RIN3: variants seen among roughly 807,000 people sequenced by gnomAD.
The protein encoded by RIN3 is RAB5 interacting protein 3.
A neutral mutation model predicts 76.3 loss-of-function variants in RIN3; 54 were observed. The observed-to-expected ratio is 0.71, with a 90% confidence interval of 0.57 to 0.89. The LOEUF (loss-of-function observed/expected upper bound fraction) is 0.89. Ranked by LOEUF, RIN3 falls within the 40% of genes least tolerant of loss-of-function variation. The pLI, the probability that RIN3 is intolerant of heterozygous loss-of-function variation, is 0.00. For synonymous variants in RIN3, 576 were observed against 564.0 expected (o/e 1.02, Z -0.30); for missense variants, 1,256 against 1,322.1 (o/e 0.95, Z 0.78).
intron 2 of RIN3, among the ~76,000 whole-genome samples, chr14:92,557,951 A>C (rs1012458785): frequency 6.6e-6 from 1 of 152,230 alleles, no homozygotes; most frequent in Non-Finnish European, 1.5e-5. Context: ...GTGGATGGGA[A>C]TTACCAGACA....
chr14:92,535,034 C>T (rs4644795), intron 1 of RIN3, among the ~76,000 whole-genome samples: 8,095 of 152,242 alleles, frequency 0.053, 668 homozygotes, highest in African/African-American at 0.18. Flanking sequence ...CCTCATCCTC[C>T]CCAGGCCTTG....
chr14:92,523,805 T>C (rs1420882318), intron 1 of RIN3, among the ~76,000 whole-genome samples: 3 of 152,216 alleles, frequency 2.0e-5, no homozygotes, highest in Non-Finnish European at 4.4e-5. Flanking sequence ...CTCAGTTCTG[T>C]GCTTTAGGCT....
intron 4 of RIN3, among the ~76,000 whole-genome samples, chr14:92,635,832 A>T (rs991607608): frequency 6.6e-6 from 1 of 152,150 alleles, no homozygotes; most frequent in Non-Finnish European, 1.5e-5. Context: ...CAGCCTGGGC[A>T]ATAGAGGGCG....
intron 3 of RIN3, among the ~76,000 whole-genome samples, chr14:92,590,074 A>G (rs1395798177): frequency 6.6e-6 from 1 of 152,216 alleles, no homozygotes; most frequent in Non-Finnish European, 1.5e-5. Context: ...GTGGATGTTC[A>G]CTGTGGACAG....
chr14:92,646,880 A>G (rs1486818007), intron 5 of RIN3, among the ~76,000 whole-genome samples: 1 of 152,184 alleles, frequency 6.6e-6, no homozygotes, highest in Non-Finnish European at 1.5e-5. Context: ...CTGAAAATAC[A>G]GTTTTGGTTT....
At position 92,685,313 on chromosome 14, in the gene RIN3, C is replaced by G. The variant is rs921381254; in HGVS notation, c.2631+163C>G. ...CACACCAGAGGAAGGGCCCCCAGCC[C>G]CTGCTGCCAGTGTGTGTCCAGGACT... On this transcript the variant is annotated intron_variant, in intron 9 of 9. Transcript: ENST00000216487. This position sits in a 1 kb window ranked among gnomAD's most constrained non-coding sequence, Gnocchi z 4.7. 3 of 697,026 alleles carry G rather than the reference C, an allele frequency of 4.3e-6. No individual in the cohort carries two copies. The highest frequency in any genetic ancestry group is 7.0e-6 in the Non-Finnish European group (3 of 425,928). 43.2% of individuals were successfully genotyped at this position (697,026 alleles called of 1,614,324 possible). A position where few individuals can be genotyped will look rare whatever the true frequency, so the allele number is the denominator to read the frequency against.
chr14:92,649,147 G>T (rs940728567), intron 5 of RIN3, among the ~76,000 whole-genome samples: 12 of 152,202 alleles, frequency 7.9e-5, no homozygotes, highest in African/African-American at 2.7e-4. Flanking sequence ...AGGACCCCAG[G>T]AGGAGAATGG....
chr14:92,672,688 G>GTGTA (rs368466050), intron 7 of RIN3, among the ~76,000 whole-genome samples: 16 of 150,914 alleles, frequency 1.1e-4, no homozygotes, highest in Admixed American at 5.9e-4. Flanking sequence ...GTGTGTGTGT[G>GTGTA]TATACACATA....
At chr14:92,671,976 T>G (rs1288792407) in intron 7 of RIN3, among the ~76,000 whole-genome samples, 1 of 152,180 alleles carries the variant, frequency 6.6e-6, no homozygotes, top group Non-Finnish European at 1.5e-5. Context: ...GAGGCATCCA[T>G]GGTGCCAGTG....
At chr14:92,626,128 A>T (rs1047043194) in intron 4 of RIN3, among the ~76,000 whole-genome samples, 1 of 151,834 alleles carries the variant, frequency 6.6e-6, no homozygotes, top group African/African-American at 2.4e-5. Context: ...TGGGGCACTG[A>T]CTCCCGAATT....
intron 7 of RIN3, among the ~76,000 whole-genome samples, chr14:92,675,937 G>A (rs1006252197): frequency 2.6e-5 from 4 of 152,264 alleles, no homozygotes; most frequent in South Asian, 2.1e-4. Flanking sequence ...ATGATACTTC[G>A]AGGGGTCTTT....
chr14:92,651,496 T>A, intron 5 of RIN3, 86 bp from the exon 6 acceptor site: 1 of 648,564 alleles, frequency 1.5e-6, no homozygotes. Context: ...CTCCCACCCG[T>A]GGACCCCGCC....
chr14:92,515,145 T>A, intron 1 of RIN3: 2 of 672,590 alleles, frequency 3.0e-6, no homozygotes, highest in Non-Finnish European at 5.4e-6. Flanking sequence ...CTTCCCTTCT[T>A]CTCCCTCCAT....
At chr14:92,633,205 G>A (rs1005733502) in intron 4 of RIN3, among the ~76,000 whole-genome samples, 10 of 152,158 alleles carry the variant, frequency 6.6e-5, no homozygotes, top group African/African-American at 2.4e-4. Context: ...ACAGGAAGAC[G>A]AACATGCATG....
At chr14:92,587,198 C>T (rs996392299) in intron 3 of RIN3, among the ~76,000 whole-genome samples, 3 of 152,192 alleles carry the variant, frequency 2.0e-5, no homozygotes, top group Non-Finnish European at 4.4e-5. Context: ...TAGAGCTTGA[C>T]TGTGTGGGAG....
At chr14:92,664,761 C>G (rs535286117) in intron 7 of RIN3, among the ~76,000 whole-genome samples, 1 of 152,154 alleles carries the variant, frequency 6.6e-6, no homozygotes, top group Non-Finnish European at 1.5e-5. Flanking sequence ...TTACCCCAAA[C>G]GCTTTCCTAG....
intron 6 of RIN3, among the ~76,000 whole-genome samples, chr14:92,657,263 G>A (rs1283240079): frequency 6.6e-6 from 1 of 152,134 alleles, no homozygotes. Context: ...AGGAGGCTGA[G>A]GCAGGAGAAT....
At chr14:92,543,299 A>G (rs778647424) in intron 1 of RIN3, among the ~76,000 whole-genome samples, 6 of 152,156 alleles carry the variant, frequency 3.9e-5, no homozygotes, top group Non-Finnish European at 4.4e-5. Context: ...TAAAATGTAG[A>G]AAAAGCAACA....
chr14:92,556,585 T>A (rs1897589200), intron 2 of RIN3, among the ~76,000 whole-genome samples: 1 of 126,814 alleles, frequency 7.9e-6, no homozygotes, highest in East Asian at 2.5e-4. Flanking sequence ...GACAGATGGA[T>A]AGATAGATGG....
Sources: allele counts gnomAD v4.1 joint callset (sites outside exome capture counted in the v4.1 genomes callset), GRCh38; gene constraint gnomAD v4.1.1; non-coding constraint Gnocchi (gnomAD v3.1); transcripts MANE v1.5; gene names NCBI Gene and HGNC (gene_info 2026-07-23, HGNC 2026-07-21).